Variants in SBF2 observed in about 807,000 individuals in gnomAD.
SBF2 encodes the protein SET binding factor 2.
SBF2 carries 112 observed loss-of-function variants against 225.2 expected under a neutral mutation model. The observed-to-expected ratio is 0.50, with a 90% CI of 0.43 to 0.58. The LOEUF is 0.58. Among genes scored for constraint, SBF2 ranks in the 20% least tolerant of loss-of-function variants. The pLI, the probability that SBF2 is intolerant of heterozygous loss-of-function variation, is 0.00. For synonymous variants in SBF2, 763 were observed against 773.3 expected (o/e 0.99, Z 0.22); for missense variants, 1,996 against 2,206.2 (o/e 0.90, Z 1.91).
intron 1 of SBF2, among the ~76,000 whole-genome samples, chr11:10,304,017 T>C (rs768300108): frequency 1.8e-4 from 27 of 152,300 alleles, no homozygotes; most frequent in Non-Finnish European, 2.9e-4. Context: ...CGTGCTAGCG[T>C]GTCGGGCCGA....
intron 13 of SBF2, among the ~76,000 whole-genome samples, chr11:9,980,182 T>C (rs770850496): frequency 1.3e-5 from 2 of 151,316 alleles, no homozygotes; most frequent in Non-Finnish European, 2.9e-5. Flanking sequence ...GATTTCACCA[T>C]GTTGGCCAAG....
chr11:9,857,382 C>T (rs778162348), intron 18 of SBF2, among the ~76,000 whole-genome samples: 2 of 152,138 alleles, frequency 1.3e-5, no homozygotes, highest in South Asian at 2.1e-4. Flanking sequence ...TGAATGCTTT[C>T]GAGATGTGTC....
chr11:9,817,255 A>G (rs1470289670), intron 28 of SBF2, among the ~76,000 whole-genome samples: 1 of 152,220 alleles, frequency 6.6e-6, no homozygotes, highest in Non-Finnish European at 1.5e-5. Flanking sequence ...AATCCCCCAA[A>G]TCAATCCTAT....
intron 16 of SBF2, among the ~76,000 whole-genome samples, chr11:9,901,232 G>A (rs1042925986): frequency 3.9e-4 from 59 of 152,062 alleles, no homozygotes; most frequent in African/African-American, 1.4e-3. Flanking sequence ...AAGATAAACA[G>A]AGCACTGAAG....
At chr11:10,019,543 T>C (rs995775759) in intron 6 of SBF2, among the ~76,000 whole-genome samples, 7 of 152,170 alleles carry the variant, frequency 4.6e-5, no homozygotes, top group African/African-American at 1.7e-4. Flanking sequence ...AGAGGAAATA[T>C]ATTTTCTTTA....
At chr11:9,961,852 G>T in intron 16 of SBF2, 105 bp downstream of exon 16, 1 of 985,034 alleles carries the variant, frequency 1.0e-6, no homozygotes, top group Non-Finnish European at 1.5e-6. Flanking sequence ...CATCCTATTA[G>T]CTGTGGTAGG....
intron 2 of SBF2, among the ~76,000 whole-genome samples, chr11:10,118,275 T>C (rs1953261425): frequency 6.6e-6 from 1 of 152,184 alleles, no homozygotes; most frequent in Non-Finnish European, 1.5e-5. Context: ...AAAGTAATAC[T>C]TATGTCCTTC....
At chr11:10,029,554 G>C (rs2134630834) in intron 5 of SBF2, among the ~76,000 whole-genome samples, 1 of 152,302 alleles carries the variant, frequency 6.6e-6, no homozygotes, top group East Asian at 1.9e-4. Context: ...GATGAACCCT[G>C]TGTTAAAATT....
chr11:10,177,211 T>A (rs1956505135), intron 2 of SBF2, among the ~76,000 whole-genome samples: 1 of 151,960 alleles, frequency 6.6e-6, no homozygotes, highest in Non-Finnish European at 1.5e-5. Flanking sequence ...AAGAGCTATC[T>A]ATGACAAACA....
At chr11:9,807,726 G>A in intron 32 of SBF2, 1 of 488,554 alleles carries the variant, frequency 2.0e-6, no homozygotes, top group Non-Finnish European at 3.7e-6. Context: ...GCCCAAGTTT[G>A]CTTCTCTTCT....
intron 16 of SBF2, among the ~76,000 whole-genome samples, chr11:9,940,126 G>A (rs545004148): frequency 1.9e-4 from 29 of 152,278 alleles, no homozygotes; most frequent in African/African-American, 6.5e-4. Flanking sequence ...TGCTAAGGCC[G>A]GGCGCGGTGG....
At chr11:10,257,800 C>G (rs1313919807) in intron 1 of SBF2, among the ~76,000 whole-genome samples, 2 of 151,512 alleles carry the variant, frequency 1.3e-5, no homozygotes, top group African/African-American at 2.4e-5. Flanking sequence ...AATACGAGAC[C>G]AACCTGGGCA....
At chr11:10,231,370 G>A (rs1209868884) in intron 1 of SBF2, among the ~76,000 whole-genome samples, 2 of 152,206 alleles carry the variant, frequency 1.3e-5, no homozygotes. Context: ...TTCCTTTGGA[G>A]GAGGAGAAGC....
At chr11:9,922,420 T>C (rs371065134) in intron 16 of SBF2, among the ~76,000 whole-genome samples, 3 of 152,328 alleles carry the variant, frequency 2.0e-5, no homozygotes, top group African/African-American at 7.2e-5. Flanking sequence ...ATTTTGCACA[T>C]AGTTTAAACT....
At chr11:9,862,520 A>C (rs1031926534) in intron 17 of SBF2, among the ~76,000 whole-genome samples, 3 of 152,254 alleles carry the variant, frequency 2.0e-5, no homozygotes, top group Non-Finnish European at 2.9e-5. Flanking sequence ...TGGGAACAGA[A>C]ATAAAGCTTT....
intron 2 of SBF2, among the ~76,000 whole-genome samples, chr11:10,101,597 C>T (rs990267428): frequency 6.6e-6 from 1 of 151,370 alleles, no homozygotes. Flanking sequence ...CCTGGTATGC[C>T]GGCAAAAAGG....
chr11:10,210,516 T>G (rs1039090715), intron 1 of SBF2, among the ~76,000 whole-genome samples: 2 of 152,118 alleles, frequency 1.3e-5, no homozygotes, highest in African/African-American at 4.8e-5. Flanking sequence ...TCTTAGACAA[T>G]TGCCCTGCTA....
At chr11:10,206,959 C>T (rs1211289459) in intron 1 of SBF2, among the ~76,000 whole-genome samples, 2 of 151,956 alleles carry the variant, frequency 1.3e-5, no homozygotes, top group Non-Finnish European at 2.9e-5. Context: ...TAAAACACTC[C>T]CAAATTTGGT....
intron 2 of SBF2, among the ~76,000 whole-genome samples, chr11:10,083,892 C>G (rs1332597790): frequency 1.3e-5 from 2 of 152,116 alleles, no homozygotes; most frequent in African/African-American, 4.8e-5. Flanking sequence ...TGGCTGACAC[C>G]TGGAATCCCA....
Sources: gnomAD v4.1 joint callset for allele counts (sites outside exome capture counted in the v4.1 genomes callset) on GRCh38, gnomAD v4.1.1 for gene constraint, MANE v1.5 for transcripts, NCBI Gene and HGNC (gene_info 2026-07-23, HGNC 2026-07-21) for gene names.